The following ADAM22 variants were observed in gnomAD, a reference collection of about 807,000 sequenced individuals.
ADAM22 encodes disintegrin and metalloproteinase domain-containing protein 22.
Under a neutral mutation model 144.6 loss-of-function variants are expected in ADAM22, and 65 were observed. That is an observed-to-expected ratio of 0.45 (90% CI 0.37 to 0.55). The LOEUF is 0.55. ADAM22 is among the 20% of genes least tolerant of loss of function. The pLI, the probability that ADAM22 is intolerant of heterozygous loss-of-function variation, is 0.00. For synonymous variants in ADAM22, 391 were observed against 412.6 expected, an observed-to-expected ratio of 0.95 and a Z score of 0.63; for missense variants, 974 against 1,184.9, an observed-to-expected ratio of 0.82 and a Z score of 2.61.
intron 3 of ADAM22, among the ~76,000 whole-genome samples, chr7:88,070,975 A>G (rs1280972203): frequency 1.3e-5 from 2 of 152,170 alleles, no homozygotes; most frequent in African/African-American, 4.8e-5. Context: ...ACTTAAGGGC[A>G]GTGTTGTGAT....
chr7:88,098,709 T>C (rs1490326271), intron 4 of ADAM22, among the ~76,000 whole-genome samples: 1 of 152,194 alleles, frequency 6.6e-6, no homozygotes, highest in Non-Finnish European at 1.5e-5. Context: ...ACTGTCTTTC[T>C]TTTCCTTTCT....
In ADAM22 at chr7:88,196,625, G is replaced by A; in HGVS notation, c.*134G>A. 2.1e-6 allele frequency: 2 copies of A among 966,482 alleles called. No individual in the cohort carries two copies. Among genetic ancestry groups the A allele is most frequent in the Non-Finnish European group, 3.2e-6 (2 of 625,510 alleles). The allele number at this position is 966,482 out of a possible 1,614,324, so 59.9% of individuals were successfully genotyped here. A position where few individuals can be genotyped will look rare whatever the true frequency, so the allele number is the denominator to read the frequency against. On this transcript the variant is annotated 3_prime_UTR_variant, in exon 32 of 32. Transcript: ENST00000413139. ...ACCCTCTGAGATGCTACAGAGGAGA[G>A]GAAGCGGAGTTTCACATCTGGTTAC...
intron 4 of ADAM22, among the ~76,000 whole-genome samples, chr7:88,078,682 G>A (rs1264491395): frequency 6.6e-5 from 10 of 152,314 alleles, no homozygotes; most frequent in South Asian, 6.2e-4. Flanking sequence ...ACCATGGCAC[G>A]AGAACTGCAT....
At chr7:87,975,695 A>T (rs1317168106) in intron 2 of ADAM22, among the ~76,000 whole-genome samples, 4 of 152,204 alleles carry the variant, frequency 2.6e-5, no homozygotes, top group Admixed American at 1.3e-4. Context: ...TGCCAAGAAG[A>T]ATTTTAACAT....
At chr7:87,939,421 G>A (rs745677748) in intron 2 of ADAM22, among the ~76,000 whole-genome samples, 2 of 152,160 alleles carry the variant, frequency 1.3e-5, no homozygotes, top group Non-Finnish European at 2.9e-5. Context: ...GGCAGTCAAA[G>A]GATTTCAGTT....
intron 4 of ADAM22, among the ~76,000 whole-genome samples, chr7:88,095,162 A>G (rs1487264706): frequency 6.6e-6 from 1 of 152,194 alleles, no homozygotes; most frequent in East Asian, 1.9e-4. Context: ...GATTCCACTC[A>G]TGACAGGAAG....
intron 24 of ADAM22, among the ~76,000 whole-genome samples, chr7:88,166,163 A>G (rs1563372661): frequency 6.6e-6 from 1 of 152,084 alleles, no homozygotes; most frequent in African/African-American, 2.4e-5. Context: ...ATTTAGCCTT[A>G]TCTTGTCCTA....
chr7:88,086,297 G>A (rs1033465951), intron 4 of ADAM22, among the ~76,000 whole-genome samples: 1 of 152,156 alleles, frequency 6.6e-6, no homozygotes, highest in African/African-American at 2.4e-5. Context: ...TCTGGATTTT[G>A]ATGTTGATTG....
At chr7:88,100,160 G>T (rs117044355) in intron 4 of ADAM22, among the ~76,000 whole-genome samples, 1 of 152,068 alleles carries the variant, frequency 6.6e-6, no homozygotes, top group Non-Finnish European at 1.5e-5. Flanking sequence ...ACTTTTCTGT[G>T]TATCAGAATT....
chr7:88,164,531 G>T (rs1842513568), intron 23 of ADAM22, among the ~76,000 whole-genome samples: 1 of 151,984 alleles, frequency 6.6e-6, no homozygotes, highest in Admixed American at 6.6e-5. Flanking sequence ...TATATATCAT[G>T]TAGTTAGGAG....
At chr7:88,089,602 C>A (rs140516952) in intron 4 of ADAM22, among the ~76,000 whole-genome samples, 239 of 152,252 alleles carry the variant, frequency 1.6e-3, no homozygotes, top group Admixed American at 5.6e-3. Context: ...AACATGCTTT[C>A]TGTCTTGAAT....
intron 3 of ADAM22, among the ~76,000 whole-genome samples, chr7:88,069,146 C>G (rs918611311): frequency 9.9e-5 from 15 of 151,644 alleles, no homozygotes; most frequent in African/African-American, 2.9e-4. Context: ...CCTTACCTTC[C>G]CTCCCTCTTC....
In ADAM22 at chr7:88,196,869, C is replaced by A; in HGVS notation, c.*378C>A. The A allele has an allele frequency of 4.2e-6, 1 of 237,222 alleles. No individual in the cohort carries two copies. Among genetic ancestry groups the A allele is most frequent in the Non-Finnish European group, 8.5e-6 (1 of 117,956 alleles). 14.7% of individuals were successfully genotyped at this position (237,222 alleles called of 1,614,324 possible). ...ATTCAGAACTTGACGTTCTGAGGCACATCCTCACTGTAAACAGTAATGCTA... is the reference window on the plus strand; with the variant it reads ...ATTCAGAACTTGACGTTCTGAGGCAAATCCTCACTGTAAACAGTAATGCTA... On this transcript the variant is annotated 3_prime_UTR_variant, in exon 32 of 32. Transcript: ENST00000413139.
At chr7:87,982,068 T>TATATATATATATATACAC (rs1244517564) in intron 3 of ADAM22, among the ~76,000 whole-genome samples, 1 of 93,744 alleles carries the variant, frequency 1.1e-5, no homozygotes, top group African/African-American at 4.6e-5. Flanking sequence ...TATATATATA[T>TATATATATATATATACAC]ACACACACAC....
intron 3 of ADAM22, among the ~76,000 whole-genome samples, chr7:88,055,560 A>C (rs1808005230): frequency 6.6e-6 from 1 of 152,062 alleles, no homozygotes; most frequent in Admixed American, 6.6e-5. Context: ...ATTCACATTG[A>C]TCTGGGGCAG....
At chr7:87,964,544 GT>G (rs1306661835) in intron 2 of ADAM22, 1 of 351,718 alleles carries the variant, frequency 2.8e-6, no homozygotes, top group East Asian at 7.9e-5. Context: ...TATTACCTTT[GT>G]CTAACAGAAT....
At chr7:87,969,292 C>G (rs1849880842) in intron 2 of ADAM22, among the ~76,000 whole-genome samples, 1 of 152,128 alleles carries the variant, frequency 6.6e-6, no homozygotes, top group South Asian at 2.1e-4. Context: ...TGTTTTTGTG[C>G]CTTTGTTGTT....
At position 87,943,370 on chromosome 7, in the gene ADAM22, AATAATCTTTT is replaced by A. The variant is rs983982426; in HGVS notation, c.246+8194_246+8203del. On this transcript the variant is annotated intron_variant, in intron 2 of 31. Transcript: ENST00000413139. ...CTCAAAATGTTAGACATCAACATAA[AATAATCTTTT>A]ATAATCTTTACTACTTATTTGACAT... 1.5e-4 allele frequency among the ~76,000 whole-genome samples: 23 copies of A among 151,980 alleles called. No homozygotes were observed. The South Asian group carries it at 3.1e-3, about 21-fold the overall frequency.
chr7:87,945,262 T>A (rs1843413291), intron 2 of ADAM22, among the ~76,000 whole-genome samples: 1 of 151,976 alleles, frequency 6.6e-6, no homozygotes, highest in Non-Finnish European at 1.5e-5. Flanking sequence ...AAATGAAGAG[T>A]CCCTAAGTTA....
Sources: allele counts gnomAD v4.1 joint callset (sites outside exome capture counted in the v4.1 genomes callset), GRCh38; gene constraint gnomAD v4.1.1; transcripts MANE v1.5; gene names NCBI Gene and HGNC (gene_info 2026-07-23, HGNC 2026-07-21).